The following PDE4D variants were observed in gnomAD, a reference collection of about 807,000 sequenced individuals.
PDE4D encodes the protein 3',5'-cyclic-AMP phosphodiesterase 4D.
In PDE4D, 24 loss-of-function variants were observed where a neutral mutation model predicts 87.4. The observed-to-expected ratio is 0.27, with a 90% CI of 0.20 to 0.39. PDE4D has a LOEUF of 0.39. Ranked by LOEUF, PDE4D falls within the 10% of genes least tolerant of loss-of-function variation. The pLI is 1.00. For synonymous variants in PDE4D, 384 were observed against 383.2 expected (o/e 1.00, Z -0.02); for missense variants, 714 against 1,041.0 (o/e 0.69, Z 4.32).
intron 1 of PDE4D, among the ~76,000 whole-genome samples, chr5:59,651,445 C>T (rs1017920505): frequency 1.3e-5 from 2 of 151,458 alleles, no homozygotes; most frequent in Non-Finnish European, 2.9e-5. Context: ...TTCTTTAACA[C>T]CGAGTGAAAA....
intron 1 of PDE4D, chr5:60,431,019 G>A (rs1583742740): frequency 1.6e-5 from 4 of 251,624 alleles, no homozygotes; most frequent in Non-Finnish European, 3.2e-5. Flanking sequence ...CCACAAAACC[G>A]CCATTGTCAT....
At chr5:59,984,902 C>T (rs1762265691) in intron 3 of PDE4D, among the ~76,000 whole-genome samples, 1 of 151,948 alleles carries the variant, frequency 6.6e-6, no homozygotes. Flanking sequence ...TGAAAAGTCG[C>T]CTTGACCATC....
chr5:59,212,608 A>C (rs1750327197), intron 2 of PDE4D, among the ~76,000 whole-genome samples: 1 of 152,094 alleles, frequency 6.6e-6, no homozygotes, highest in Non-Finnish European at 1.5e-5. Flanking sequence ...CTTTTCATAA[A>C]ATATATGTAT....
At chr5:59,357,666 A>C (rs553050851) in intron 1 of PDE4D, among the ~76,000 whole-genome samples, 2 of 152,344 alleles carry the variant, frequency 1.3e-5, no homozygotes, top group Admixed American at 1.3e-4. Flanking sequence ...AATCTGTTAA[A>C]ACAACTTTCT....
At chr5:60,372,957 G>A (rs764753881) in intron 1 of PDE4D, among the ~76,000 whole-genome samples, 2 of 152,112 alleles carry the variant, frequency 1.3e-5, no homozygotes, top group African/African-American at 4.8e-5. Context: ...AAAACTTGGC[G>A]TTCACAATCA....
chr5:59,030,779 A>G (rs952227690), intron 6 of PDE4D, among the ~76,000 whole-genome samples: 1 of 152,224 alleles, frequency 6.6e-6, no homozygotes. Context: ...GGGAAATGCA[A>G]TTAAAACCAC....
intron 2 of PDE4D, among the ~76,000 whole-genome samples, chr5:60,097,665 C>T (rs1306069866): frequency 2.0e-5 from 3 of 151,888 alleles, no homozygotes; most frequent in African/African-American, 7.2e-5. Context: ...GTTATTAGAA[C>T]AATAAGGTAA....
intron 1 of PDE4D, among the ~76,000 whole-genome samples, chr5:59,296,251 ATT>A (rs1300670474): frequency 6.6e-6 from 1 of 151,864 alleles, no homozygotes; most frequent in Non-Finnish European, 1.5e-5. Flanking sequence ...ATATTTTAAT[ATT>A]TTATAAGTTA....
chr5:59,716,742 T>G (rs971901635), intron 1 of PDE4D, among the ~76,000 whole-genome samples: 3 of 152,150 alleles, frequency 2.0e-5, no homozygotes, highest in African/African-American at 7.2e-5. Flanking sequence ...CTGAAACAAT[T>G]CTCCGTCTTC....
At chr5:59,265,417 C>T (rs996792500) in intron 1 of PDE4D, among the ~76,000 whole-genome samples, 2 of 151,926 alleles carry the variant, frequency 1.3e-5, no homozygotes, top group African/African-American at 4.8e-5. Flanking sequence ...TCTGGAATAC[C>T]TAGCTCTATA....
intron 1 of PDE4D, among the ~76,000 whole-genome samples, chr5:59,239,554 C>T (rs1757218504): frequency 6.6e-6 from 1 of 152,134 alleles, no homozygotes; most frequent in Non-Finnish European, 1.5e-5. Context: ...TATCCATTGT[C>T]TCATTTGATT....
chr5:59,375,833 T>C (rs1784625519), intron 1 of PDE4D, among the ~76,000 whole-genome samples: 1 of 152,126 alleles, frequency 6.6e-6, no homozygotes, highest in Non-Finnish European at 1.5e-5. Flanking sequence ...AAAAAGCTTA[T>C]CCACCACAAT....
chr5:59,972,315 A>T (rs1760869923), intron 3 of PDE4D, among the ~76,000 whole-genome samples: 1 of 152,172 alleles, frequency 6.6e-6, no homozygotes, highest in African/African-American at 2.4e-5. Flanking sequence ...CCCAGTATCT[A>T]CCCAGTTGTC....
At chr5:60,518,916 A>T (rs749864419) in intron 1 of PDE4D, among the ~76,000 whole-genome samples, 2 of 152,212 alleles carry the variant, frequency 1.3e-5, no homozygotes, top group Non-Finnish European at 2.9e-5. Flanking sequence ...GCAGACCAAC[A>T]AATTTAATCC....
At chr5:59,083,940 C>T (rs1037221574) in intron 5 of PDE4D, among the ~76,000 whole-genome samples, 6 of 152,112 alleles carry the variant, frequency 3.9e-5, no homozygotes, top group African/African-American at 1.2e-4. Context: ...TACTTATAAA[C>T]TGCTTATAAG....
chr5:59,311,885 C>T (rs964427837), intron 1 of PDE4D, among the ~76,000 whole-genome samples: 8 of 152,128 alleles, frequency 5.3e-5, no homozygotes, highest in African/African-American at 1.9e-4. Flanking sequence ...CCTAGCTATG[C>T]TTAGCCATCT....
intron 1 of PDE4D, among the ~76,000 whole-genome samples, chr5:59,483,391 C>T (rs1397208784): frequency 6.6e-6 from 1 of 152,160 alleles, no homozygotes; most frequent in Non-Finnish European, 1.5e-5. Context: ...CACATATAAA[C>T]TTGAGCCCAT....
At chr5:59,537,693 T>C (rs1430683136) in intron 1 of PDE4D, among the ~76,000 whole-genome samples, 1 of 152,206 alleles carries the variant, frequency 6.6e-6, no homozygotes, top group Admixed American at 6.5e-5. Flanking sequence ...CTTGAATATG[T>C]AATCATCAAA....
At chr5:59,536,865 A>C (rs1192732890) in intron 1 of PDE4D, among the ~76,000 whole-genome samples, 1 of 152,226 alleles carries the variant, frequency 6.6e-6, no homozygotes, top group African/African-American at 2.4e-5. Context: ...GGTACAACCT[A>C]CATGAAATAA....
Sources: allele counts gnomAD v4.1 joint callset (sites outside exome capture counted in the v4.1 genomes callset), GRCh38; gene constraint gnomAD v4.1.1; transcripts MANE v1.5; gene names NCBI Gene and HGNC (gene_info 2026-07-23, HGNC 2026-07-21).